Variants in KDM5B observed in about 807,000 individuals in gnomAD.
The protein encoded by KDM5B is lysine demethylase 5B, also known as lysine-specific demethylase 5B.
Under a neutral mutation model 193.4 loss-of-function variants are expected in KDM5B, and 144 were observed. That is an observed-to-expected ratio of 0.74 (90% CI 0.65 to 0.86). KDM5B has a LOEUF of 0.86. KDM5B is among the 40% of genes least tolerant of loss of function. The pLI is 0.00. For synonymous variants in KDM5B, 668 were observed against 682.6 expected (o/e 0.98, Z 0.33); for missense variants, 1,833 against 1,886.9 (o/e 0.97, Z 0.53).
intron 25 of KDM5B, among the ~76,000 whole-genome samples, 171 bp downstream of exon 25, chr1:202,730,738 G>C (rs1654852961): frequency 6.6e-6 from 1 of 152,216 alleles, no homozygotes; most frequent in Admixed American, 6.5e-5. Context: ...ACTATGTTAA[G>C]AAACAGGACA....
intron 1 of KDM5B, among the ~76,000 whole-genome samples, chr1:202,788,475 T>C (rs545276679): frequency 3.6e-4 from 55 of 152,330 alleles, no homozygotes; most frequent in Admixed American, 3.2e-3. Context: ...GGATATGCCA[T>C]GGTATTTACT....
At chr1:202,754,226 C>T (rs1655919302) in intron 11 of KDM5B, among the ~76,000 whole-genome samples, 1 of 152,188 alleles carries the variant, frequency 6.6e-6, no homozygotes, top group South Asian at 2.1e-4. Context: ...ATTCATTTTA[C>T]AGCTGGGAGA....
chr1:202,740,003 C>A (rs1165219900), intron 20 of KDM5B, among the ~76,000 whole-genome samples: 1 of 152,224 alleles, frequency 6.6e-6, no homozygotes, highest in East Asian at 1.9e-4. Context: ...ACCTCCCAGA[C>A]GGGGTGGTGG....
At chr1:202,804,943 AC>A (rs1477823941) in intron 1 of KDM5B, among the ~76,000 whole-genome samples, 2 of 152,146 alleles carry the variant, frequency 1.3e-5, no homozygotes, top group African/African-American at 4.8e-5. Context: ...AAAATAAGTT[AC>A]TAAAGCCATA....
Position 202,756,466 on chromosome 1 carries a change from A to G in KDM5B, c.1248T>C (p.Thr416=). ...VEKEFWRLVS[T]IEEDVTVEYG... The stretch of plus-strand genomic sequence containing the variant: ...ATTCCACTGTGACATCCTCCTCAAT[A>G]GTGCTTACTAGTCTCCAAAATTCTT... Residue 416 remains threonine (T), a synonymous_variant, in exon 10 of 27, where the codon ACT becomes ACC. Transcript: ENST00000367265. 6.2e-7 allele frequency: 1 copy of G among 1,611,646 alleles called. No homozygotes were observed.
chr1:202,784,794 C>T (rs1657339195), intron 1 of KDM5B, among the ~76,000 whole-genome samples: 1 of 152,184 alleles, frequency 6.6e-6, no homozygotes, highest in African/African-American at 2.4e-5. Context: ...AATCCCAGCA[C>T]TTTGGGAGGC....
chr1:202,745,788 G>A (rs189555404), intron 16 of KDM5B, 70 bp downstream of exon 16: 1 of 1,558,236 alleles, frequency 6.4e-7, no homozygotes, highest in South Asian at 1.1e-5. Context: ...ATGTTTTGTT[G>A]ACTTTAATTT....
Position 202,724,533 on chromosome 1 carries a change from C to CA in KDM5B, c.*4502dup, listed in dbSNP as rs1412805766. On this transcript the variant is annotated 3_prime_UTR_variant, in exon 27 of 27. Transcript: ENST00000367265. ...ATTCTTTATGCATTTTAAAGAAGCTCAATCAAGCTCACATCATAGATAATG... is the reference window on the plus strand; with the variant it reads ...ATTCTTTATGCATTTTAAAGAAGCTCAAATCAAGCTCACATCATAGATAATG... 3 of 152,100 alleles carry CA rather than the reference C, an allele frequency of 2.0e-5. No individual in the cohort carries two copies. Among genetic ancestry groups the CA allele is most frequent in the Non-Finnish European group, 4.4e-5 (3 of 68,020 alleles). The allele number at this position is 152,100 out of a possible 1,614,324, so 9.4% of individuals were successfully genotyped here.
chr1:202,784,677 A>G (rs1223904679), intron 1 of KDM5B, among the ~76,000 whole-genome samples: 1 of 152,210 alleles, frequency 6.6e-6, no homozygotes, highest in Non-Finnish European at 1.5e-5. Context: ...CCCCTGATGG[A>G]GTCTAATTGC....
intron 1 of KDM5B, among the ~76,000 whole-genome samples, chr1:202,789,990 A>C (rs774685782): frequency 5.3e-5 from 8 of 152,006 alleles, no homozygotes; most frequent in Non-Finnish European, 1.0e-4. Flanking sequence ...TGGGAGGCCG[A>C]GGTGGGCAGA....
chr1:202,800,994 A>G (rs1658049687), intron 1 of KDM5B, among the ~76,000 whole-genome samples: 1 of 152,222 alleles, frequency 6.6e-6, no homozygotes, highest in Non-Finnish European at 1.5e-5. Flanking sequence ...AGCTCACCTC[A>G]TAATTGCCCA....
rs1212202037 is a variant in KDM5B, at chr1:202,731,920, G to A, written c.3929C>T (p.Thr1310Ile). 3.1e-6 allele frequency: 5 copies of A among 1,612,378 alleles called. 1 individual carries two copies. In the South Asian group the frequency reaches 5.5e-5, roughly 18 times the overall value. Reference sequence around the variant, plus strand: ...GTCATCAGGCAAAGAAAATGATGTTGTGCCAGGAGGTTGAGATACCTAATG... The same window carrying A: ...GTCATCAGGCAAAGAAAATGATGTTATGCCAGGAGGTTGAGATACCTAATG... ...DTNKVSQPPG[T>I]TSFSLPDDWD... is the part of the protein sequence containing the mutation. Residue 1310 changes from threonine to isoleucine, a missense_variant, in exon 24 of 27, where the codon ACA becomes ATA. Coordinates refer to ENST00000367265, the MANE Select transcript of KDM5B (RefSeq NM_006618.5).
intron 16 of KDM5B, among the ~76,000 whole-genome samples, chr1:202,744,053 A>T (rs928761557): frequency 3.3e-5 from 5 of 152,214 alleles, no homozygotes; most frequent in Non-Finnish European, 7.3e-5. Flanking sequence ...TAGACAACCT[A>T]CAGAATGGGA....
chr1:202,757,097 G>C (rs776502825), intron 9 of KDM5B, among the ~76,000 whole-genome samples: 1 of 30,734 alleles, frequency 3.3e-5, no homozygotes, highest in African/African-American at 6.9e-5. Context: ...GCTGGGAGGT[G>C]GGGGGGGGAT....
chr1:202,807,485 T>C (rs1034460319), intron 1 of KDM5B, among the ~76,000 whole-genome samples: 35 of 145,054 alleles, frequency 2.4e-4, no homozygotes, highest in Non-Finnish European at 5.1e-4. Flanking sequence ...GGGGGACACC[T>C]GGAGGCCCGG....
intron 1 of KDM5B, among the ~76,000 whole-genome samples, chr1:202,779,478 CA>C (rs911803272): frequency 3.5e-4 from 47 of 133,474 alleles, no homozygotes; most frequent in Admixed American, 3.9e-4. Flanking sequence ...GACTCCGTCT[CA>C]AAAAAAAAAA....
intron 22 of KDM5B, 108 bp downstream of exon 22, chr1:202,735,321 C>G (rs986897015): frequency 8.5e-7 from 1 of 1,179,622 alleles, no homozygotes; most frequent in Non-Finnish European, 1.2e-6. Context: ...TAAAACTGAA[C>G]GCTTTCAAGT....
Position 202,746,105 on chromosome 1 carries a change from GT to G in KDM5B, c.2198+36del. ...ATTGAGCTTTTAGTAAGGATCAACT[GT>G]TTTCCATAGGAAAAAAAATCGTTCT... On this transcript the variant is annotated intron_variant, in intron 15 of 26. Transcript: ENST00000367265. 3.3e-6 allele frequency: 5 copies of G among 1,524,920 alleles called. No homozygotes were observed. The South Asian group carries it at 5.7e-5, about 17-fold the overall frequency. The allele number at this position is 1,524,920 out of a possible 1,614,324, so 94.5% of individuals were successfully genotyped here. A position where few individuals can be genotyped will look rare whatever the true frequency, so the allele number is the denominator to read the frequency against.
intron 2 of KDM5B, among the ~76,000 whole-genome samples, chr1:202,776,516 C>T (rs539828725): frequency 2.6e-5 from 4 of 152,014 alleles, no homozygotes; most frequent in Non-Finnish European, 5.9e-5. Flanking sequence ...AACCCTACAA[C>T]AAAAACACAA....
Sources: allele counts gnomAD v4.1 joint callset (sites outside exome capture counted in the v4.1 genomes callset), GRCh38; gene constraint gnomAD v4.1.1; transcripts MANE v1.5; gene names NCBI Gene and HGNC (gene_info 2026-07-23, HGNC 2026-07-21).